Variants in PCDH7 observed in about 807,000 individuals in gnomAD.
PCDH7 encodes protocadherin-7.
PCDH7 carries 17 observed loss-of-function variants against 58.9 expected under a neutral mutation model. The ratio of observed to expected loss-of-function variants is 0.29; its 90% CI spans 0.20 to 0.43. The LOEUF (loss-of-function observed/expected upper bound fraction) is 0.43. Ranked by LOEUF, PCDH7 falls within the 20% of genes least tolerant of loss-of-function variation. The probability of loss-of-function intolerance (pLI) is 1.00; values close to 1 mark genes in which losing one functional copy is unlikely to be tolerated. For missense variants in PCDH7, 1,274 were observed against 1,441.0 expected, an observed-to-expected ratio of 0.88 and a Z score of 1.88; for synonymous variants, 664 against 616.4, an observed-to-expected ratio of 1.08 and a Z score of -1.14.
chr4:31,007,988 G>A (rs536893485), intron 3 of PCDH7, among the ~76,000 whole-genome samples: 1 of 152,184 alleles, frequency 6.6e-6, no homozygotes, highest in South Asian at 2.1e-4. Context: ...AATCGCTGCA[G>A]CATGACATGG....
At chr4:31,119,900 G>A (rs972523378) in intron 3 of PCDH7, among the ~76,000 whole-genome samples, 7 of 151,354 alleles carry the variant, frequency 4.6e-5, no homozygotes, top group Admixed American at 4.6e-4. Flanking sequence ...GGGCCCACTC[G>A]CCTAAGTCCA....
intron 3 of PCDH7, among the ~76,000 whole-genome samples, chr4:30,986,485 A>C (rs1226733331): frequency 6.6e-6 from 1 of 152,164 alleles, no homozygotes; most frequent in Non-Finnish European, 1.5e-5. Flanking sequence ...TATTATATAG[A>C]TATTGTAGCA....
chr4:30,908,603 A>C (rs949846619), intron 1 of PCDH7, among the ~76,000 whole-genome samples: 2 of 152,208 alleles, frequency 1.3e-5, no homozygotes, highest in African/African-American at 4.8e-5. Flanking sequence ...GAATCCCTGA[A>C]TAGACCAATA....
chr4:30,861,544 T>C (rs1317454325), intron 1 of PCDH7, among the ~76,000 whole-genome samples: 1 of 152,134 alleles, frequency 6.6e-6, no homozygotes, highest in East Asian at 1.9e-4. Context: ...ATTGAGGGAT[T>C]TAGGATAGAT....
At chr4:30,875,089 C>T (rs1266787905) in intron 1 of PCDH7, among the ~76,000 whole-genome samples, 1 of 152,086 alleles carries the variant, frequency 6.6e-6, no homozygotes, top group Non-Finnish European at 1.5e-5. Flanking sequence ...TAACAAAATA[C>T]TACACACCTA....
intron 1 of PCDH7, among the ~76,000 whole-genome samples, chr4:30,834,796 T>C (rs1730261591): frequency 6.6e-6 from 1 of 152,080 alleles, no homozygotes; most frequent in Admixed American, 6.6e-5. Context: ...ATGTATTAGA[T>C]TTATACAGCA....
chr4:31,133,735 G>A (rs1182284346), intron 3 of PCDH7, among the ~76,000 whole-genome samples: 1 of 152,126 alleles, frequency 6.6e-6, no homozygotes, highest in African/African-American at 2.4e-5. Flanking sequence ...GTTTTCATGT[G>A]CCAGCCAGCA....
intron 3 of PCDH7, among the ~76,000 whole-genome samples, chr4:30,983,330 A>G (rs1750722643): frequency 6.6e-6 from 1 of 152,238 alleles, no homozygotes; most frequent in South Asian, 2.1e-4. Context: ...TTTAAACTAT[A>G]ATTACTATGA....
intron 2 of PCDH7, among the ~76,000 whole-genome samples, chr4:30,930,168 G>A (rs906314456): frequency 1.4e-4 from 22 of 152,166 alleles, no homozygotes; most frequent in African/African-American, 5.1e-4. Flanking sequence ...GAGGACTTGA[G>A]TGTGGGTTAC....
In PCDH7 at chr4:30,905,334, G is replaced by A. The variant is rs74684168; in HGVS notation, c.71-14819G>A. Among the ~76,000 whole-genome samples the A allele has an allele frequency of 1.8e-3, 276 of 152,178 alleles. 1 individual carries two copies. The highest frequency in any genetic ancestry group is 5.2e-3 in the East Asian group (27 of 5,166). On this transcript the variant is annotated intron_variant, in intron 1 of 3. Transcript: ENST00000509759. ...ACTGCTGCAGACTAACTCCAACTGTGTAATTTACCATGTAGGTTTATCGAC... is the reference window on the plus strand; with the variant it reads ...ACTGCTGCAGACTAACTCCAACTGTATAATTTACCATGTAGGTTTATCGAC...
intron 3 of PCDH7, among the ~76,000 whole-genome samples, chr4:31,007,969 A>C (rs1333527696): frequency 6.6e-6 from 1 of 152,110 alleles, no homozygotes; most frequent in Non-Finnish European, 1.5e-5. Context: ...CAACTATTGC[A>C]CACCACTTAA....
At chr4:31,143,085 A>G (rs547232281), downstream of PCDH7, 8 of 147,448 alleles carry the variant, frequency 5.4e-5, no homozygotes, top group South Asian at 1.8e-4. Flanking sequence ...GATTCCCAAC[A>G]CTCACTTTCT....
chr4:31,125,167 T>G (rs1434093812), intron 3 of PCDH7, among the ~76,000 whole-genome samples: 1 of 152,108 alleles, frequency 6.6e-6, no homozygotes, highest in African/African-American at 2.4e-5. Flanking sequence ...GGATACAAAA[T>G]TTTCCATCTC....
chr4:30,892,433 A>T (rs1738743572), intron 1 of PCDH7, among the ~76,000 whole-genome samples: 1 of 152,076 alleles, frequency 6.6e-6, no homozygotes, highest in Non-Finnish European at 1.5e-5. Flanking sequence ...CAGAAGAATT[A>T]TTCTATATCC....
At chr4:30,731,171 T>G (rs1405668904) in exon 2 of PCDH7, 3 of 993,298 alleles carry the variant, frequency 3.0e-6, no homozygotes, top group Non-Finnish European at 1.2e-6. Context: ...TCTTTGTCTT[T>G]AATACATTAA....
chr4:31,139,270 G>A (rs183041151), intron 3 of PCDH7, among the ~76,000 whole-genome samples: 1 of 152,236 alleles, frequency 6.6e-6, no homozygotes, highest in Admixed American at 6.5e-5. Context: ...TGTGGAAAAT[G>A]CTTACAGAGA....
chr4:31,083,559 T>G (rs993245968), intron 3 of PCDH7, among the ~76,000 whole-genome samples: 2 of 152,224 alleles, frequency 1.3e-5, no homozygotes, highest in Non-Finnish European at 2.9e-5. Flanking sequence ...AGCTCATTTT[T>G]CTTTGCGTCT....
At position 30,722,316 on chromosome 4, in the gene PCDH7, C is replaced by A. The variant is rs1265425811; in HGVS notation, c.894C>A (p.Ile298=). Residue 298 remains isoleucine (I), a synonymous_variant, in exon 1 of 2, where the codon ATC becomes ATA. Coordinates refer to ENST00000361762, the Ensembl canonical transcript of PCDH7. The surrounding 1 kb of genome is among the most constrained non-coding windows in gnomAD (Gnocchi z 7.6). ...CGCAGGCCATCCTACGGGTCCTCAT[C>A]ACCGACGTGAACGACAACAGCCCCC... 1.2e-6 allele frequency: 2 copies of A among 1,609,554 alleles called. No homozygotes were observed. Among genetic ancestry groups the A allele is most frequent in the East Asian group, 2.2e-5 (1 of 44,694 alleles).
At chr4:30,938,326 C>A (rs369057525) in intron 2 of PCDH7, among the ~76,000 whole-genome samples, 9 of 152,128 alleles carry the variant, frequency 5.9e-5, no homozygotes, top group South Asian at 2.1e-4. Context: ...TCTACTTGTA[C>A]GTGATATGCA....
Sources: allele counts gnomAD v4.1 joint callset (sites outside exome capture counted in the v4.1 genomes callset), GRCh38; gene constraint gnomAD v4.1.1; non-coding constraint Gnocchi (gnomAD v3.1); transcripts MANE v1.5; gene names NCBI Gene and HGNC (gene_info 2026-07-23, HGNC 2026-07-21).